The following VEZT variants were observed in gnomAD, a reference collection of about 807,000 sequenced individuals.
VEZT encodes the protein vezatin.
Under a neutral mutation model 79.9 loss-of-function variants are expected in VEZT, and 39 were observed. That is an observed-to-expected ratio of 0.49 (90% CI 0.38 to 0.64). The LOEUF (loss-of-function observed/expected upper bound fraction) is 0.64, where lower values mean the gene tolerates loss of function less well. Among genes scored for constraint, VEZT ranks in the 30% least tolerant of loss-of-function variants. The probability of loss-of-function intolerance (pLI) is 0.00; values close to 1 mark genes in which losing one functional copy is unlikely to be tolerated. For missense variants in VEZT, 837 were observed against 893.1 expected (o/e 0.94, Z 0.80); for synonymous variants, 325 against 327.6 (o/e 0.99, Z 0.09).
chr12:95,251,535 T>C (rs976080245), intron 1 of VEZT, among the ~76,000 whole-genome samples: 1 of 152,266 alleles, frequency 6.6e-6, no homozygotes, highest in African/African-American at 2.4e-5. Flanking sequence ...AATATAATCA[T>C]TGTTTAATTA....
chr12:95,273,991 A>G (rs1461674004), intron 6 of VEZT, among the ~76,000 whole-genome samples: 1 of 152,210 alleles, frequency 6.6e-6, no homozygotes, highest in Non-Finnish European at 1.5e-5. Context: ...GTCTATGTCA[A>G]ACAAGCTAGA....
At chr12:95,245,170 G>A (rs1245639474) in intron 1 of VEZT, among the ~76,000 whole-genome samples, 1 of 152,148 alleles carries the variant, frequency 6.6e-6, no homozygotes, top group Non-Finnish European at 1.5e-5. Context: ...GGAGGTGGAG[G>A]TTGCAGTGAG....
At chr12:95,295,907 C>T in intron 10 of VEZT, 144 bp from the exon 11 acceptor site, 2 of 603,324 alleles carry the variant, frequency 3.3e-6, no homozygotes, top group Non-Finnish European at 5.5e-6. Flanking sequence ...TTGCTTTTTT[C>T]TTTTCCTAGC....
intron 6 of VEZT, among the ~76,000 whole-genome samples, chr12:95,272,869 C>T (rs1272094429): frequency 6.6e-6 from 1 of 152,186 alleles, no homozygotes; most frequent in African/African-American, 2.4e-5. Flanking sequence ...CTGCCTTAGC[C>T]TTCCGAGTAG....
intron 9 of VEZT, among the ~76,000 whole-genome samples, chr12:95,293,397 T>TAAAGAAA (rs1222562074): frequency 1.3e-5 from 2 of 149,568 alleles, no homozygotes; most frequent in African/African-American, 2.4e-5. Context: ...GTTTAAACCA[T>TAAAGAAA]ACTTCTTTTT....
At chr12:95,278,782 A>T (rs1001178892) in intron 7 of VEZT, among the ~76,000 whole-genome samples, 1 of 152,236 alleles carries the variant, frequency 6.6e-6, no homozygotes, top group Non-Finnish European at 1.5e-5. Flanking sequence ...CGTGAGTCTT[A>T]TCCAGGCCTG....
At chr12:95,298,117 C>G (rs1310498105) in intron 11 of VEZT, among the ~76,000 whole-genome samples, 2 of 150,840 alleles carry the variant, frequency 1.3e-5, no homozygotes, top group Non-Finnish European at 3.0e-5. Context: ...GAGACTCTCT[C>G]TCAAAAAATA....
chr12:95,264,417 A>T (rs1400597352), intron 4 of VEZT, among the ~76,000 whole-genome samples: 2 of 152,188 alleles, frequency 1.3e-5, no homozygotes, highest in Admixed American at 6.5e-5. Context: ...AAAGGATTCT[A>T]AAGGAAATTA....
rs556528735 is a variant in VEZT, at chr12:95,300,597, T to C, written c.2264T>C (p.Met755Thr). The C allele has an allele frequency of 8.1e-6, 13 of 1,613,390 alleles. No individual in the cohort carries two copies. Among genetic ancestry groups the C allele is most frequent in the Non-Finnish European group, 1.0e-5 (12 of 1,179,540 alleles). ...GCTAGATCTCTCTCCTTTACCACCA[T>C]GCAGGAACAGACTTTTGGTGGTGAG... ...VAARSLSFTT[M>T]QEQTFGGEEE... Residue 755 changes from methionine to threonine, a missense_variant, in exon 12 of 12, where the codon ATG becomes ACG. Coordinates refer to ENST00000436874, the MANE Select transcript of VEZT (RefSeq NM_017599.4).
intron 1 of VEZT, among the ~76,000 whole-genome samples, chr12:95,241,968 A>C (rs1378484120): frequency 6.6e-6 from 1 of 152,226 alleles, no homozygotes; most frequent in Non-Finnish European, 1.5e-5. Flanking sequence ...CGAAAATATT[A>C]AAAAGCGTAG....
chr12:95,227,451 C>T (rs1439699911), intron 1 of VEZT, among the ~76,000 whole-genome samples: 18 of 151,196 alleles, frequency 1.2e-4, no homozygotes, highest in Non-Finnish European at 1.5e-5. Flanking sequence ...AGCGATTCTC[C>T]TGCCTCAGCC....
At position 95,301,211 on chromosome 12, in the gene VEZT, A is replaced by G. The variant is rs1397395639; in HGVS notation, c.*538A>G. On this transcript the variant is annotated 3_prime_UTR_variant, in exon 12 of 12. Coordinates refer to ENST00000436874, the MANE Select transcript of VEZT (RefSeq NM_017599.4). Reference sequence around the variant, plus strand: ...GGGTTTGGAACTAAAAGTAGTTTCAACAGTGCGTGGGTTATGACATTTCTT... The same window carrying G: ...GGGTTTGGAACTAAAAGTAGTTTCAGCAGTGCGTGGGTTATGACATTTCTT... 6.6e-6 allele frequency: 1 copy of G among 152,244 alleles called. No homozygotes were observed. The highest frequency in any genetic ancestry group is 2.4e-5 in the African/African-American group (1 of 41,450). The allele number at this position is 152,244 out of a possible 1,614,324, so 9.4% of individuals were successfully genotyped here. A position where few individuals can be genotyped will look rare whatever the true frequency, so the allele number is the denominator to read the frequency against.
chr12:95,240,277 T>A, intron 1 of VEZT, among the ~76,000 whole-genome samples: 1 of 152,300 alleles, frequency 6.6e-6, no homozygotes, highest in East Asian at 1.9e-4. Context: ...TATCTAACTT[T>A]CCTAGTTAAT....
intron 11 of VEZT, among the ~76,000 whole-genome samples, chr12:95,297,137 C>G (rs2074326292): frequency 6.6e-6 from 1 of 152,152 alleles, no homozygotes; most frequent in African/African-American, 2.4e-5. Flanking sequence ...GCCTTACATT[C>G]CTTTCTGTTT....
chr12:95,255,474 C>T (rs572266277), intron 2 of VEZT, among the ~76,000 whole-genome samples: 25 of 152,340 alleles, frequency 1.6e-4, no homozygotes, highest in Admixed American at 5.2e-4. Context: ...CGCTGTCGCC[C>T]AGCCTTGAGT....
At chr12:95,286,714 A>G (rs988984581) in intron 8 of VEZT, 5 of 396,964 alleles carry the variant, frequency 1.3e-5, no homozygotes, top group Middle Eastern at 4.4e-4. Flanking sequence ...CCACTTTCCC[A>G]TTCCCTGCGT....
At chr12:95,261,743 T>A (rs1434367253) in intron 3 of VEZT, among the ~76,000 whole-genome samples, 1 of 152,216 alleles carries the variant, frequency 6.6e-6, no homozygotes, top group Non-Finnish European at 1.5e-5. Context: ...AAAATACAAC[T>A]TTAAATTTTC....
chr12:95,276,259 CTTTTTTTTT>C (rs35034660), intron 7 of VEZT, among the ~76,000 whole-genome samples: 84 of 75,158 alleles, frequency 1.1e-3, no homozygotes, highest in African/African-American at 4.3e-3. Context: ...TAATTTTTTT[CTTTTTTTTT>C]TTTTTTTTTT....
intron 9 of VEZT, among the ~76,000 whole-genome samples, chr12:95,291,041 G>C (rs10859867): frequency 0.11 from 17,055 of 152,046 alleles, 1,055 homozygotes; most frequent in East Asian, 0.25. Flanking sequence ...AAGGAGGGAG[G>C]ATCACTTGAA....
Sources: gnomAD v4.1 joint callset for allele counts (sites outside exome capture counted in the v4.1 genomes callset) on GRCh38, gnomAD v4.1.1 for gene constraint, MANE v1.5 for transcripts, NCBI Gene and HGNC (gene_info 2026-07-23, HGNC 2026-07-21) for gene names.